The following ANO2 variants were observed in gnomAD, a reference collection of about 807,000 sequenced individuals.
ANO2 encodes anoctamin-2.
ANO2 carries 101 observed loss-of-function variants against 124.2 expected under a neutral mutation model. That is an observed-to-expected ratio of 0.81 (90% CI 0.69 to 0.96). The LOEUF is 0.96. Ranked by LOEUF, ANO2 falls within the 40% of genes least tolerant of loss-of-function variation. The pLI is 0.00. For synonymous variants in ANO2, 486 were observed against 482.5 expected (o/e 1.01, Z -0.09); for missense variants, 1,293 against 1,274.5 (o/e 1.01, Z -0.22).
At chr12:5,670,710 T>A (rs535182117) in intron 14 of ANO2, among the ~76,000 whole-genome samples, 29 of 149,140 alleles carry the variant, frequency 1.9e-4, no homozygotes, top group South Asian at 6.4e-4. Flanking sequence ...AATTTTTTTT[T>A]AAAAAATGTT....
intron 4 of ANO2, among the ~76,000 whole-genome samples, chr12:5,841,664 G>A (rs1320962220): frequency 6.6e-6 from 1 of 151,964 alleles, no homozygotes; most frequent in East Asian, 1.9e-4. Context: ...TCTTACCTTG[G>A]GGCCTGTGGG....
At chr12:5,693,591 C>A (rs1247114983) in intron 14 of ANO2, among the ~76,000 whole-genome samples, 1 of 152,146 alleles carries the variant, frequency 6.6e-6, no homozygotes, top group Non-Finnish European at 1.5e-5. Flanking sequence ...CTGCTCAGAG[C>A]CCTGGTGACT....
chr12:5,823,160 T>C (rs1243968994), intron 7 of ANO2, among the ~76,000 whole-genome samples: 1 of 152,140 alleles, frequency 6.6e-6, no homozygotes, highest in African/African-American at 2.4e-5. Flanking sequence ...TCCTCACATT[T>C]CAAAACCAAT....
At chr12:5,591,823 T>C (rs143744334) in intron 20 of ANO2, among the ~76,000 whole-genome samples, 1 of 152,290 alleles carries the variant, frequency 6.6e-6, no homozygotes, top group East Asian at 1.9e-4. Context: ...GTTGTCTCTG[T>C]GTCCCCAGTG....
chr12:5,591,798 G>A (rs1358204389), intron 20 of ANO2, among the ~76,000 whole-genome samples: 1 of 152,136 alleles, frequency 6.6e-6, no homozygotes, highest in Non-Finnish European at 1.5e-5. Flanking sequence ...AACTCTGGAG[G>A]GAACAGGCAT....
intron 15 of ANO2, among the ~76,000 whole-genome samples, chr12:5,645,844 G>C (rs182408496): frequency 9.4e-4 from 143 of 152,250 alleles, no homozygotes; most frequent in Non-Finnish European, 8.8e-5. Context: ...GAGCACCTGG[G>C]AGCCCTACTA....
At chr12:5,640,798 T>C (rs1407023674) in intron 15 of ANO2, among the ~76,000 whole-genome samples, 7 of 152,200 alleles carry the variant, frequency 4.6e-5, no homozygotes, top group Non-Finnish European at 8.8e-5. Context: ...AGTTCAACGA[T>C]TGTGGAAGAC....
At chr12:5,719,096 C>T (rs1950125901) in intron 14 of ANO2, among the ~76,000 whole-genome samples, 1 of 152,214 alleles carries the variant, frequency 6.6e-6, no homozygotes, top group Non-Finnish European at 1.5e-5. Context: ...GATCTTAACT[C>T]ATGCACTTTA....
At position 5,635,084 on chromosome 12, in the gene ANO2, A is replaced by T; in HGVS notation, c.1816+68T>A. ...CCTGTCCCATTTTTTTTATTTTATC[A>T]CCAAAAGCCTTGCACGCATTGACTT... On this transcript the variant is annotated intron_variant, in intron 16 of 24. Coordinates refer to ENST00000682330, the MANE Select transcript of ANO2 (RefSeq NM_001364791.2). This position sits in a 1 kb window ranked among gnomAD's most constrained non-coding sequence, Gnocchi z 5.2. The T allele has an allele frequency of 7.4e-7, 1 of 1,354,688 alleles. No homozygotes were observed. Among genetic ancestry groups the T allele is most frequent in the Non-Finnish European group, 9.8e-7 (1 of 1,022,098 alleles). 83.9% of individuals were successfully genotyped at this position (1,354,688 alleles called of 1,614,324 possible).
intron 16 of ANO2, among the ~76,000 whole-genome samples, chr12:5,627,257 C>T (rs1363753235): frequency 1.3e-5 from 2 of 152,034 alleles, no homozygotes; most frequent in African/African-American, 4.8e-5. Context: ...GCATAGAATC[C>T]CCCCTGGCCA....
intron 3 of ANO2, among the ~76,000 whole-genome samples, chr12:5,902,955 G>A (rs1191542038): frequency 6.8e-6 from 1 of 148,014 alleles, no homozygotes; most frequent in African/African-American, 2.5e-5. Flanking sequence ...GATGGACCCA[G>A]GAATGCAAAG....
chr12:5,864,407 G>T (rs930168821), intron 3 of ANO2, among the ~76,000 whole-genome samples: 1 of 152,262 alleles, frequency 6.6e-6, no homozygotes, highest in Non-Finnish European at 1.5e-5. Context: ...CCAGCACACA[G>T]AACCAGCCCA....
intron 3 of ANO2, among the ~76,000 whole-genome samples, chr12:5,860,894 T>C (rs542560302): frequency 1.9e-4 from 29 of 152,282 alleles, no homozygotes; most frequent in African/African-American, 7.0e-4. Flanking sequence ...GGGGGTGTTA[T>C]AGCATTAAGG....
intron 2 of ANO2, among the ~76,000 whole-genome samples, chr12:5,921,628 TCA>T (rs1941707092): frequency 6.6e-6 from 1 of 151,794 alleles, no homozygotes; most frequent in Non-Finnish European, 1.5e-5. Context: ...ACACACACAC[TCA>T]CACACAGACT....
intron 13 of ANO2, among the ~76,000 whole-genome samples, chr12:5,734,606 C>A (rs991444596): frequency 6.6e-6 from 1 of 152,156 alleles, no homozygotes; most frequent in African/African-American, 2.4e-5. Flanking sequence ...TCACCTCCCC[C>A]CATGCTGGGC....
chr12:5,635,816 C>T lies in ANO2; in HGVS notation c.1621-469G>A, dbSNP rs771062849. On this transcript the variant is annotated intron_variant, in intron 15 of 24. Transcript: ENST00000682330. The surrounding 1 kb of genome is among the most constrained non-coding windows in gnomAD (Gnocchi z 5.2). ...AATTGCTGAAGGAACTCCAAGTACA[C>T]GGGAGAAAGTAAATTTGAGTGGTCA... Among the ~76,000 whole-genome samples, 5 of 151,996 alleles carry T rather than the reference C, an allele frequency of 3.3e-5. No individual in the cohort carries two copies. The highest frequency in any genetic ancestry group is 9.7e-5 in the African/African-American group (4 of 41,366).
At chr12:5,720,489 G>A (rs1316685460) in intron 14 of ANO2, among the ~76,000 whole-genome samples, 1 of 152,164 alleles carries the variant, frequency 6.6e-6, no homozygotes, top group Non-Finnish European at 1.5e-5. Context: ...CGTGCTTCTG[G>A]CCATATATGG....
intron 22 of ANO2, among the ~76,000 whole-genome samples, chr12:5,576,772 C>T (rs897167249): frequency 6.6e-6 from 1 of 152,182 alleles, no homozygotes; most frequent in Admixed American, 6.5e-5. Flanking sequence ...GCATCCTGCA[C>T]CAACAATTAA....
intron 3 of ANO2, among the ~76,000 whole-genome samples, chr12:5,889,203 C>T (rs1939204797): frequency 6.6e-6 from 1 of 152,216 alleles, no homozygotes; most frequent in African/African-American, 2.4e-5. Flanking sequence ...GCGCCACGCG[C>T]AGCCCTGGTT....
Sources: gnomAD v4.1 joint callset for allele counts (sites outside exome capture counted in the v4.1 genomes callset) on GRCh38, gnomAD v4.1.1 for gene constraint, Gnocchi (gnomAD v3.1) non-coding constraint, MANE v1.5 for transcripts, NCBI Gene and HGNC (gene_info 2026-07-23, HGNC 2026-07-21) for gene names.